ZNG1C: variants seen among roughly 807,000 people sequenced by gnomAD.
The protein encoded by ZNG1C is Zn regulated GTPase metalloprotein activator 1C, also known as zinc-regulated GTPase metalloprotein activator 1C.
chr9:68,297,617 CA>C, the ZNG1C span: 1 of 524,032 alleles, frequency 1.9e-6, no homozygotes, highest in East Asian at 2.8e-5. Flanking sequence ...CCAGGAAATG[CA>C]AAGGAAGAAC....
the ZNG1C span, chr9:68,248,961 A>G: frequency 4.3e-6 from 1 of 233,586 alleles, no homozygotes; most frequent in Non-Finnish European, 9.4e-6. Context: ...TAGATGTATT[A>G]GAGGAATATC....
At chr9:68,257,886 G>A in the ZNG1C span, among the ~76,000 whole-genome samples, 2 of 144,002 alleles carry the variant, frequency 1.4e-5, no homozygotes, top group Admixed American at 1.4e-4. Context: ...TTATTAAGCT[G>A]GGCCCCATCA....
At chr9:68,257,984 T>C in the ZNG1C span, among the ~76,000 whole-genome samples, 1 of 124,354 alleles carries the variant, frequency 8.0e-6, no homozygotes, top group Non-Finnish European at 1.7e-5. Flanking sequence ...TATTCAGAGA[T>C]TGCAAAATGA....
chr9:68,285,767 A>G, the ZNG1C span: 3 of 602,224 alleles, frequency 5.0e-6, no homozygotes, highest in Non-Finnish European at 8.7e-6. Context: ...TTCTGTGCAT[A>G]TGTATATATA....
chr9:68,247,501 G>A, the ZNG1C span: 464 of 1,594,856 alleles, frequency 2.9e-4, 13 homozygotes, highest in African/African-American at 5.3e-3. Context: ...AAGAATATAA[G>A]TTATAAAATG....
the ZNG1C span, among the ~76,000 whole-genome samples, chr9:68,271,934 T>C: frequency 6.6e-6 from 1 of 150,482 alleles, no homozygotes; most frequent in Non-Finnish European, 1.5e-5. Context: ...GTGATTGGTT[T>C]TGTAAACGTT....
At chr9:68,263,246 CA>C in the ZNG1C span, among the ~76,000 whole-genome samples, 1 of 96,056 alleles carries the variant, frequency 1.0e-5, no homozygotes. Flanking sequence ...ATTTGTGTAG[CA>C]TTGTACACAG....
chr9:68,287,297 CAT>C, the ZNG1C span, among the ~76,000 whole-genome samples: 4 of 152,202 alleles, frequency 2.6e-5, no homozygotes, highest in African/African-American at 9.6e-5. Flanking sequence ...ATCAGAATCA[CAT>C]GTGGAGCTTT....
the ZNG1C span, among the ~76,000 whole-genome samples, chr9:68,247,208 G>A: frequency 6.6e-6 from 1 of 152,034 alleles, no homozygotes; most frequent in African/African-American, 2.4e-5. Flanking sequence ...AAACAATTTA[G>A]AAGAAGAATG....
At chr9:68,245,788 CAG>C in the ZNG1C span, among the ~76,000 whole-genome samples, 1 of 150,614 alleles carries the variant, frequency 6.6e-6, no homozygotes, top group Non-Finnish European at 1.5e-5. Context: ...TTAGTAGAGA[CAG>C]GGTTTCACCA....
the ZNG1C span, chr9:68,247,490 A>G: frequency 6.3e-7 from 1 of 1,596,354 alleles, no homozygotes; most frequent in East Asian, 2.2e-5. Context: ...GAATAAAGTG[A>G]AAGAATATAA....
At chr9:68,299,317 C>G in the ZNG1C span, 2 of 620,432 alleles carry the variant, frequency 3.2e-6, no homozygotes, top group African/African-American at 3.8e-5. Flanking sequence ...ACCAATGTGA[C>G]TTTGATGTAC....
chr9:68,272,250 CTTAAAGCAGCCTTTAG>C, the ZNG1C span, among the ~76,000 whole-genome samples: 1 of 133,694 alleles, frequency 7.5e-6, no homozygotes, highest in Non-Finnish European at 1.6e-5. Context: ...TCTTAAGCTA[CTTAAAGCAGCCTTTAG>C]ACATAGGGAA....
the ZNG1C span, among the ~76,000 whole-genome samples, chr9:68,287,564 A>ATT: frequency 2.0e-5 from 3 of 152,302 alleles, no homozygotes; most frequent in Non-Finnish European, 4.4e-5. Context: ...AAACAAATGT[A>ATT]TTTTAATAGG....
the ZNG1C span, among the ~76,000 whole-genome samples, chr9:68,265,027 TG>T: frequency 9.4e-6 from 1 of 106,122 alleles, no homozygotes; most frequent in Non-Finnish European, 2.0e-5. Flanking sequence ...AGCTAATTTT[TG>T]CATTTTTTTA....
At chr9:68,247,148 A>T in the ZNG1C span, among the ~76,000 whole-genome samples, 6 of 152,214 alleles carry the variant, frequency 3.9e-5, no homozygotes, top group African/African-American at 1.2e-4. Context: ...CTTCCTCAGG[A>T]TGAACTAGGG....
At chr9:68,281,310 G>A in the ZNG1C span, among the ~76,000 whole-genome samples, 2 of 152,164 alleles carry the variant, frequency 1.3e-5, no homozygotes, top group African/African-American at 2.4e-5. Context: ...CGTCTCTCAC[G>A]CTGGGAGCTG....
the ZNG1C span, among the ~76,000 whole-genome samples, chr9:68,260,526 T>C: frequency 7.8e-6 from 1 of 127,622 alleles, no homozygotes; most frequent in Non-Finnish European, 1.8e-5. Context: ...ATGGAAACTT[T>C]AAATTTTCTA....
At chr9:68,267,253 G>A in the ZNG1C span, among the ~76,000 whole-genome samples, 12 of 152,172 alleles carry the variant, frequency 7.9e-5, no homozygotes, top group African/African-American at 2.7e-4. Flanking sequence ...ATAAAGGTAA[G>A]GCTCATTAGG....
Sources: allele counts gnomAD v4.1 joint callset (sites outside exome capture counted in the v4.1 genomes callset), GRCh38; gene constraint gnomAD v4.1.1; transcripts MANE v1.5; gene names NCBI Gene and HGNC (gene_info 2026-07-23, HGNC 2026-07-21).